TMEM132D: variants seen among roughly 807,000 people sequenced by gnomAD.
The protein encoded by TMEM132D is transmembrane protein 132D.
In TMEM132D, 21 loss-of-function variants were observed where a neutral mutation model predicts 62.3. That is an observed-to-expected ratio of 0.34 (90% CI 0.24 to 0.49). The LOEUF is 0.49. TMEM132D is among the 20% of genes least tolerant of loss of function. The pLI is 0.99. For synonymous variants in TMEM132D, 621 were observed against 575.6 expected (o/e 1.08, Z -1.13); for missense variants, 1,346 against 1,402.8 (o/e 0.96, Z 0.65).
chr12:129,266,919 T>A (rs890839190), intron 4 of TMEM132D, among the ~76,000 whole-genome samples: 1 of 152,140 alleles, frequency 6.6e-6, no homozygotes, highest in African/African-American at 2.4e-5. Context: ...CTCTTGGACA[T>A]CCCAGCCCCA....
intron 3 of TMEM132D, among the ~76,000 whole-genome samples, chr12:129,339,123 T>C (rs1869384498): frequency 6.6e-6 from 1 of 152,072 alleles, no homozygotes; most frequent in Non-Finnish European, 1.5e-5. Context: ...ATACAAAAAT[T>C]AGCTGGGTGT....
intron 1 of TMEM132D, among the ~76,000 whole-genome samples, chr12:129,892,365 C>G (rs1874954001): frequency 6.6e-6 from 1 of 152,152 alleles, no homozygotes; most frequent in African/African-American, 2.4e-5. Context: ...GACTATCACT[C>G]AATACTGTCT....
intron 3 of TMEM132D, among the ~76,000 whole-genome samples, chr12:129,348,576 G>A (rs1420050602): frequency 3.9e-5 from 6 of 152,050 alleles, no homozygotes; most frequent in Non-Finnish European, 7.3e-5. Flanking sequence ...TAAGGGAAGG[G>A]AGAGCATGAG....
At chr12:129,607,433 A>G (rs977505354) in intron 2 of TMEM132D, among the ~76,000 whole-genome samples, 5 of 152,208 alleles carry the variant, frequency 3.3e-5, no homozygotes, top group Non-Finnish European at 5.9e-5. Flanking sequence ...AGGGCTGACC[A>G]CCTGCAAGGC....
intron 3 of TMEM132D, among the ~76,000 whole-genome samples, chr12:129,403,665 A>C (rs951076139): frequency 1.3e-5 from 2 of 152,172 alleles, no homozygotes; most frequent in African/African-American, 2.4e-5. Context: ...GAACACGGGG[A>C]AAACGAGAGC....
chr12:129,698,423 A>G (rs1881257663), intron 2 of TMEM132D, among the ~76,000 whole-genome samples: 1 of 150,036 alleles, frequency 6.7e-6, no homozygotes, highest in Admixed American at 6.7e-5. Flanking sequence ...CATTTCTAAT[A>G]CTAGGTCACA....
At chr12:129,767,555 G>T (rs920772257) in intron 1 of TMEM132D, among the ~76,000 whole-genome samples, 1 of 152,136 alleles carries the variant, frequency 6.6e-6, no homozygotes, top group East Asian at 1.9e-4. Context: ...CCATGCATTT[G>T]ATCTCTCCAG....
chr12:129,793,488 C>A (rs545924635), intron 1 of TMEM132D, among the ~76,000 whole-genome samples: 4 of 152,280 alleles, frequency 2.6e-5, no homozygotes, highest in African/African-American at 7.2e-5. Flanking sequence ...CCTCCCACCA[C>A]CTCAACCTCA....
intron 3 of TMEM132D, among the ~76,000 whole-genome samples, chr12:129,417,910 A>T (rs1387012247): frequency 6.6e-6 from 1 of 152,246 alleles, no homozygotes; most frequent in African/African-American, 2.4e-5. Flanking sequence ...GACACTTCTC[A>T]AAAGAAGACG....
intron 4 of TMEM132D, among the ~76,000 whole-genome samples, chr12:129,257,914 C>G (rs1752699527): frequency 6.6e-6 from 1 of 152,130 alleles, no homozygotes; most frequent in South Asian, 2.1e-4. Context: ...CAGAGGCTCC[C>G]CGGACAGTAC....
At chr12:129,751,766 C>G (rs186777323) in intron 1 of TMEM132D, among the ~76,000 whole-genome samples, 1 of 152,258 alleles carries the variant, frequency 6.6e-6, no homozygotes, top group Non-Finnish European at 1.5e-5. Flanking sequence ...TTTGCAACTT[C>G]GCTACAAACA....
intron 4 of TMEM132D, among the ~76,000 whole-genome samples, chr12:129,308,005 C>T (rs1019190060): frequency 6.6e-6 from 1 of 152,208 alleles, no homozygotes; most frequent in East Asian, 1.9e-4. Context: ...ACACTGGTTA[C>T]TTCCAGTTCT....
At chr12:129,162,056 T>C (rs12580533) in intron 5 of TMEM132D, among the ~76,000 whole-genome samples, 11,740 of 152,090 alleles carry the variant, frequency 0.077, 1,029 homozygotes, top group African/African-American at 0.21. Flanking sequence ...TGGGTGAGGG[T>C]TATGGGCTGA....
chr12:129,594,664 C>G (rs1335656072), intron 2 of TMEM132D, among the ~76,000 whole-genome samples: 1 of 152,160 alleles, frequency 6.6e-6, no homozygotes, highest in Admixed American at 6.5e-5. Flanking sequence ...CTCCTAAGTC[C>G]TGTGGAAGTT....
chr12:129,459,339 C>G (rs1873583429), intron 3 of TMEM132D, among the ~76,000 whole-genome samples: 1 of 152,192 alleles, frequency 6.6e-6, no homozygotes, highest in Non-Finnish European at 1.5e-5. Context: ...ACACACTTAA[C>G]AATGAGTCAT....
At chr12:129,224,094 A>G (rs1487128331) in intron 4 of TMEM132D, among the ~76,000 whole-genome samples, 1 of 151,938 alleles carries the variant, frequency 6.6e-6, no homozygotes, top group Non-Finnish European at 1.5e-5. Context: ...GAGAAAAATC[A>G]CTCTCAGTTA....
rs766835887 is a variant in TMEM132D at position 129,096,376 on chromosome 12, G to A, written c.1444-11674C>T. On this transcript the variant is annotated intron_variant, in intron 5 of 8. Coordinates refer to ENST00000422113, the MANE Select transcript of TMEM132D (RefSeq NM_133448.3). ...ATTAGGCCGTGATATCTGTGAAGGAGGAAGGGAAGGACCCAGGATGGCAGC... is the reference window on the plus strand; with the variant it reads ...ATTAGGCCGTGATATCTGTGAAGGAAGAAGGGAAGGACCCAGGATGGCAGC... 6.6e-5 allele frequency among the ~76,000 whole-genome samples: 10 copies of A among 152,088 alleles called. 1 individual carries two copies. Among genetic ancestry groups the A allele is most frequent in the South Asian group, 4.2e-4 (2 of 4,814 alleles).
At chr12:129,643,829 G>C (rs1040516841) in intron 2 of TMEM132D, among the ~76,000 whole-genome samples, 1 of 149,338 alleles carries the variant, frequency 6.7e-6, no homozygotes, top group Non-Finnish European at 1.5e-5. Context: ...AACCAATTCC[G>C]AACAGAACCA....
At chr12:129,313,282 C>T (rs950503004) in intron 4 of TMEM132D, among the ~76,000 whole-genome samples, 4 of 152,172 alleles carry the variant, frequency 2.6e-5, no homozygotes, top group African/African-American at 9.7e-5. Flanking sequence ...AAGCAGTATA[C>T]ACTGCACCAT....
Sources: allele counts gnomAD v4.1 joint callset (sites outside exome capture counted in the v4.1 genomes callset), GRCh38; gene constraint gnomAD v4.1.1; transcripts MANE v1.5; gene names NCBI Gene and HGNC (gene_info 2026-07-23, HGNC 2026-07-21).